DAP3: variants seen among roughly 807,000 people sequenced by gnomAD.
DAP3 encodes small ribosomal subunit protein mS29.
In DAP3, 28 loss-of-function variants were observed where a neutral mutation model predicts 51.9. The observed-to-expected ratio is 0.54, with a 90% CI of 0.40 to 0.74. The LOEUF (loss-of-function observed/expected upper bound fraction) is 0.74. DAP3 is among the 30% of genes least tolerant of loss of function. DAP3 has a pLI of 0.00. For missense variants in DAP3, 458 were observed against 483.5 expected (o/e 0.95, Z 0.49); for synonymous variants, 170 against 170.3 (o/e 1.00, Z 0.01).
upstream of DAP3, chr1:155,688,610 C>G (rs1653086031): frequency 6.5e-7 from 1 of 1,534,774 alleles, no homozygotes; most frequent in Non-Finnish European, 8.7e-7. Flanking sequence ...GTTCTCCACT[C>G]CCCCTCAGAC....
intron 7 of DAP3, among the ~76,000 whole-genome samples, chr1:155,728,687 C>T (rs529721104): frequency 2.0e-5 from 3 of 152,046 alleles, no homozygotes; most frequent in Admixed American, 6.6e-5. Flanking sequence ...TGGCGAAACC[C>T]CATCTCTACT....
chr1:155,688,368 G>A (rs780390410), upstream of DAP3: 6 of 1,546,824 alleles, frequency 3.9e-6, no homozygotes, highest in South Asian at 2.4e-5. Flanking sequence ...TCCTCCAGAG[G>A]GAGGGAGCTA....
chr1:155,715,586 CAT>C (rs1234288623), intron 2 of DAP3, among the ~76,000 whole-genome samples: 1 of 152,170 alleles, frequency 6.6e-6, no homozygotes, highest in Middle Eastern at 3.4e-3. Flanking sequence ...TGGTAGCTTT[CAT>C]ATGATAACCT....
intron 2 of DAP3, among the ~76,000 whole-genome samples, chr1:155,714,875 G>T (rs1186511066): frequency 6.6e-6 from 1 of 151,986 alleles, no homozygotes; most frequent in Non-Finnish European, 1.5e-5. Context: ...AGGAGGGATG[G>T]TACAGAGATA....
At chr1:155,729,003 G>A in intron 7 of DAP3, 39 bp from the exon 8 acceptor site, 7 of 1,605,512 alleles carry the variant, frequency 4.4e-6, no homozygotes, top group Non-Finnish European at 6.0e-6. Flanking sequence ...AGGCCAAGTA[G>A]CCTTTTTTTT....
chr1:155,691,064 C>T lies in DAP3; in HGVS notation c.-8+1890C>T, dbSNP rs369436312. On this transcript the variant is annotated intron_variant, in intron 1 of 12. Coordinates refer to ENST00000368336, the MANE Select transcript of DAP3 (RefSeq NM_004632.4). ...CTGGGACTACAGGCACCCGCCACCA[C>T]GTCCAGCTAATTTTTTGTATTTTTA... Among the ~76,000 whole-genome samples the T allele has an allele frequency of 2.0e-4, 29 of 141,886 alleles. 1 individual carries two copies. The highest frequency in any genetic ancestry group is 3.4e-4 in the Non-Finnish European group (23 of 68,046). The allele number at this position is 141,886 out of a possible 152,430, so 93.1% of individuals were successfully genotyped here.
At chr1:155,701,845 A>T (rs1314090458) in intron 1 of DAP3, among the ~76,000 whole-genome samples, 1 of 151,642 alleles carries the variant, frequency 6.6e-6, no homozygotes, top group Non-Finnish European at 1.5e-5. Flanking sequence ...ACAACCCTTA[A>T]GGTTAGAGCC....
chr1:155,727,468 C>CAA (rs201880344), intron 6 of DAP3, 140 bp from the exon 7 acceptor site: 4,620 of 505,140 alleles, frequency 9.1e-3, no homozygotes, highest in Non-Finnish European at 9.5e-3. Flanking sequence ...GACCCTGTCT[C>CAA]AAAAAAAAAA....
chr1:155,724,244 T>C (rs1291254425), intron 4 of DAP3, among the ~76,000 whole-genome samples: 2 of 152,146 alleles, frequency 1.3e-5, no homozygotes, highest in Admixed American at 6.6e-5. Context: ...GTATGAGGTA[T>C]GGATGGCCTT....
intron 4 of DAP3, among the ~76,000 whole-genome samples, chr1:155,722,457 T>C (rs1658115736): frequency 6.6e-6 from 1 of 151,954 alleles, no homozygotes; most frequent in Non-Finnish European, 1.5e-5. Flanking sequence ...AGTTTATGCC[T>C]GTAGTCTCAG....
At chr1:155,720,669 A>C (rs923252379) in intron 3 of DAP3, among the ~76,000 whole-genome samples, 3 of 151,838 alleles carry the variant, frequency 2.0e-5, no homozygotes, top group Non-Finnish European at 4.4e-5. Context: ...CAAAACAAAC[A>C]AACCAAAAAA....
chr1:155,695,261 G>A (rs1246535294), intron 1 of DAP3, among the ~76,000 whole-genome samples: 3 of 152,210 alleles, frequency 2.0e-5, no homozygotes, highest in Non-Finnish European at 4.4e-5. Context: ...ATGGACATAA[G>A]AAAGTTTGCC....
intron 1 of DAP3, 89 bp from the exon 2 acceptor site, chr1:155,709,684 T>C: frequency 9.6e-7 from 1 of 1,043,828 alleles, no homozygotes; most frequent in African/African-American, 1.6e-5. Flanking sequence ...AGATTATTAA[T>C]CCCTATTAAT....
At chr1:155,688,734 A>G, upstream of DAP3, 2 of 1,501,242 alleles carry the variant, frequency 1.3e-6, no homozygotes, top group Middle Eastern at 2.1e-4. Flanking sequence ...CACGGCCACC[A>G]ACCGCCGCCA....
chr1:155,735,606 A>C (rs1208558369), intron 11 of DAP3, among the ~76,000 whole-genome samples: 2 of 132,356 alleles, frequency 1.5e-5, no homozygotes, highest in African/African-American at 6.2e-5. Flanking sequence ...AAAGAAATAC[A>C]GTTTGATTAC....
intron 11 of DAP3, among the ~76,000 whole-genome samples, chr1:155,735,140 G>A (rs531990637): frequency 2.0e-5 from 3 of 151,148 alleles, no homozygotes; most frequent in East Asian, 1.9e-4. Flanking sequence ...AAAATTAGCC[G>A]GGCGTGGTGG....
chr1:155,688,516 G>A (rs1653047670), upstream of DAP3: 10 of 1,545,810 alleles, frequency 6.5e-6, no homozygotes, highest in Non-Finnish European at 8.7e-6. Flanking sequence ...GCTCGTCGCT[G>A]GCTGCTCCCA....
intron 1 of DAP3, among the ~76,000 whole-genome samples, chr1:155,698,799 A>G (rs1571434922): frequency 6.6e-6 from 1 of 152,186 alleles, no homozygotes; most frequent in African/African-American, 2.4e-5. Flanking sequence ...GCTCAAATAC[A>G]TGGCGTACTT....
intron 1 of DAP3, among the ~76,000 whole-genome samples, chr1:155,690,496 C>T (rs945807219): frequency 8.5e-5 from 12 of 141,486 alleles, no homozygotes; most frequent in Admixed American, 2.0e-4. Context: ...GCCGAGATCA[C>T]GCCATCACAC....
Sources: allele counts gnomAD v4.1 joint callset (sites outside exome capture counted in the v4.1 genomes callset), GRCh38; gene constraint gnomAD v4.1.1; transcripts MANE v1.5; gene names NCBI Gene and HGNC (gene_info 2026-07-23, HGNC 2026-07-21).